UNC13C: variants seen among roughly 807,000 people sequenced by gnomAD.
UNC13C encodes unc-13 homolog C, also known as protein unc-13 homolog C.
Under a neutral mutation model 245.4 loss-of-function variants are expected in UNC13C, and 174 were observed. The observed-to-expected ratio is 0.71, with a 90% confidence interval of 0.63 to 0.80. UNC13C has a LOEUF of 0.80. UNC13C is among the 30% of genes least tolerant of loss of function. UNC13C has a pLI of 0.00. For missense variants in UNC13C, 2,829 were observed against 2,602.9 expected, an observed-to-expected ratio of 1.09 and a Z score of -1.89; for synonymous variants, 992 against 895.1, an observed-to-expected ratio of 1.11 and a Z score of -1.93.
chr15:53,866,050 A>G, the UNC13C span, among the ~76,000 whole-genome samples: 1 of 152,220 alleles, frequency 6.6e-6, no homozygotes, highest in African/African-American at 2.4e-5. Context: ...TTAAAAATAA[A>G]CTTCTAAAAA....
chr15:54,339,970 A>G (rs2038690584), intron 17 of UNC13C, among the ~76,000 whole-genome samples: 1 of 152,008 alleles, frequency 6.6e-6, no homozygotes, highest in Admixed American at 6.5e-5. Context: ...TTATGTTTTT[A>G]CTATGGCCAT....
intron 4 of UNC13C, among the ~76,000 whole-genome samples, chr15:54,198,726 G>T (rs1200480700): frequency 6.6e-6 from 1 of 152,092 alleles, no homozygotes. Flanking sequence ...TTGAATCCCA[G>T]ATCTTCCCTC....
intron 18 of UNC13C, among the ~76,000 whole-genome samples, chr15:54,407,866 C>T (rs2040329041): frequency 6.6e-6 from 1 of 151,998 alleles, no homozygotes; most frequent in Non-Finnish European, 1.5e-5. Context: ...AAAAAGTTAA[C>T]TGTGAAAACA....
chr15:54,482,120 G>T (rs1893154513), intron 19 of UNC13C, among the ~76,000 whole-genome samples: 1 of 152,134 alleles, frequency 6.6e-6, no homozygotes, highest in African/African-American at 2.4e-5. Context: ...TCCCTGGGGT[G>T]TAAGGCACTG....
rs149000556 is a variant in UNC13C, at chr15:54,250,194, G to C, written c.3229-31G>C. The C allele has an allele frequency of 9.5e-6, 15 of 1,579,082 alleles. No individual in the cohort carries two copies. In the African/African-American group the frequency reaches 1.5e-4, roughly 16 times the overall value. On this transcript the variant is annotated intron_variant, in intron 7 of 32. Coordinates refer to ENST00000260323, the MANE Select transcript of UNC13C (RefSeq NM_001080534.3). ...AACAATTCAAATCCACTGACTTGGCGGTGCATTGGTAACTTCTCTCATGTT... is the reference window on the plus strand; with the variant it reads ...AACAATTCAAATCCACTGACTTGGCCGTGCATTGGTAACTTCTCTCATGTT...
At chr15:54,579,592 CT>C (rs1898113231) in intron 30 of UNC13C, among the ~76,000 whole-genome samples, 2 of 151,922 alleles carry the variant, frequency 1.3e-5, no homozygotes, top group East Asian at 3.9e-4. Context: ...CTCGTCTCTA[CT>C]AAAAATACAA....
chr15:54,013,729 G>A lies in UNC13C; in HGVS notation c.826G>A (p.Glu276Lys). Residue 276 changes from glutamate (E) to lysine (K), a missense_variant, in exon 2 of 33, where the codon GAG (glutamate) becomes AAG (lysine). Glu to Lys is a moderately conservative substitution (Grantham distance 56, BLOSUM62 1). Transcript: ENST00000260323. ...HVNALKHSID[E>K]ISSSVEVVQS... ...CAATGCTCTCAAGCACTCCATCGAT[G>A]AGATCTCCAGCAGTGTGGAGGTTGT... 1 of 1,612,864 alleles carries A rather than the reference G, an allele frequency of 6.2e-7. No individual in the cohort carries two copies. The highest frequency in any genetic ancestry group is 8.5e-7 in the Non-Finnish European group (1 of 1,179,424).
chr15:53,852,963 C>T, the UNC13C span, among the ~76,000 whole-genome samples: 24 of 151,516 alleles, frequency 1.6e-4, no homozygotes, highest in African/African-American at 4.8e-4. Context: ...TGTGTGTGCA[C>T]GCACTCTGCC....
intron 4 of UNC13C, among the ~76,000 whole-genome samples, chr15:54,172,684 A>G (rs1050720597): frequency 2.6e-5 from 3 of 117,446 alleles, no homozygotes; most frequent in Admixed American, 9.2e-5. Context: ...AATTTATGAC[A>G]AAGTCAAATA....
At chr15:54,571,167 A>G (rs1241701725) in intron 30 of UNC13C, among the ~76,000 whole-genome samples, 1 of 152,194 alleles carries the variant, frequency 6.6e-6, no homozygotes. Flanking sequence ...CATGCTGCTA[A>G]TAAAGACATA....
chr15:54,147,153 C>G (rs927676517), intron 4 of UNC13C, among the ~76,000 whole-genome samples: 4 of 151,904 alleles, frequency 2.6e-5, no homozygotes, highest in Non-Finnish European at 5.9e-5. Flanking sequence ...GCAGCAGATT[C>G]TCTCTAAGGG....
chr15:54,241,112 T>C (rs1407140970), intron 7 of UNC13C, among the ~76,000 whole-genome samples: 2 of 152,062 alleles, frequency 1.3e-5, no homozygotes, highest in African/African-American at 4.8e-5. Context: ...ACCAAGATAG[T>C]CTCAGATGAG....
chr15:53,904,894 G>A, the UNC13C span, among the ~76,000 whole-genome samples: 4 of 152,228 alleles, frequency 2.6e-5, no homozygotes, highest in Admixed American at 6.5e-5. Flanking sequence ...ACCTAGAGAT[G>A]TTGTGGATTG....
At chr15:53,970,616 G>A in the UNC13C span, among the ~76,000 whole-genome samples, 1 of 152,046 alleles carries the variant, frequency 6.6e-6, no homozygotes, top group Admixed American at 6.6e-5. Context: ...ACTTATAAGT[G>A]GGAGCTGAAC....
intron 19 of UNC13C, among the ~76,000 whole-genome samples, chr15:54,466,667 A>T (rs1054726657): frequency 2.6e-5 from 4 of 151,884 alleles, no homozygotes; most frequent in Middle Eastern, 3.2e-3. Flanking sequence ...AACAGACCCC[A>T]CCCACACACA....
intron 19 of UNC13C, among the ~76,000 whole-genome samples, chr15:54,461,497 T>C (rs906444704): frequency 6.6e-6 from 1 of 152,228 alleles, no homozygotes; most frequent in South Asian, 2.1e-4. Context: ...AGTCTATAAT[T>C]TGATTTATAT....
At position 54,393,099 on chromosome 15, in the gene UNC13C, T is replaced by G. The variant is rs1389492495; in HGVS notation, c.4765T>G (p.Leu1589Val). Reference sequence around the variant, plus strand: ...AGATCAGGGACCAACCACCAAGAATTTGGATTTTTGGCCCCAACTTATTAC... The same window carrying G: ...AGATCAGGGACCAACCACCAAGAATGTGGATTTTTGGCCCCAACTTATTAC... ...REDQGPTTKN[L>V]DFWPQLITLM... Residue 1589 changes from leucine to valine, a missense_variant, in exon 18 of 33, where the codon TTG becomes GTG. Physicochemically the swap from Leu to Val is conservative, Grantham distance 32. Transcript: ENST00000260323. 2.5e-6 allele frequency: 4 copies of G among 1,610,876 alleles called. No homozygotes were observed. Among genetic ancestry groups the G allele is most frequent in the Non-Finnish European group, 2.5e-6 (3 of 1,178,494 alleles).
intron 19 of UNC13C, among the ~76,000 whole-genome samples, chr15:54,445,603 A>C (rs894998324): frequency 5.9e-5 from 9 of 152,190 alleles, no homozygotes; most frequent in South Asian, 4.1e-4. Context: ...TCTTTTGAGA[A>C]GTGTCTGTTC....
At chr15:54,578,531 G>T (rs1293805120) in intron 30 of UNC13C, among the ~76,000 whole-genome samples, 1 of 152,030 alleles carries the variant, frequency 6.6e-6, no homozygotes, top group Non-Finnish European at 1.5e-5. Context: ...AATTATGAAG[G>T]TAACATACAT....
Sources: gnomAD v4.1 joint callset for allele counts (sites outside exome capture counted in the v4.1 genomes callset) on GRCh38, gnomAD v4.1.1 for gene constraint, MANE v1.5 for transcripts, NCBI Gene and HGNC (gene_info 2026-07-23, HGNC 2026-07-21) for gene names.